SFXN2: variants seen among roughly 807,000 people sequenced by gnomAD.
The protein encoded by SFXN2 is sideroflexin 2, also known as sideroflexin-2.
SFXN2 carries 37 observed loss-of-function variants against 41.9 expected under a neutral mutation model. The ratio of observed to expected loss-of-function variants is 0.88; its 90% CI spans 0.68 to 1.16. The LOEUF (loss-of-function observed/expected upper bound fraction) is 1.16, where lower values mean the gene tolerates loss of function less well. SFXN2 is among the 50% of genes most tolerant of loss of function. SFXN2 has a pLI of 0.00. For synonymous variants in SFXN2, 150 were observed against 156.7 expected (o/e 0.96, Z 0.32); for missense variants, 386 against 425.2 (o/e 0.91, Z 0.81).
intron 1 of SFXN2, among the ~76,000 whole-genome samples, chr10:102,720,800 C>T (rs540545205): frequency 1.6e-4 from 24 of 152,234 alleles, no homozygotes; most frequent in Admixed American, 7.2e-4. Flanking sequence ...GCAAGACTCC[C>T]GGGATTCCCT....
chr10:102,722,042 T>G (rs1315438479), intron 1 of SFXN2, among the ~76,000 whole-genome samples: 1 of 152,206 alleles, frequency 6.6e-6, no homozygotes, highest in African/African-American at 2.4e-5. Context: ...CTGGTCTCCC[T>G]GCATCCCGTG....
intron 1 of SFXN2, among the ~76,000 whole-genome samples, chr10:102,724,304 C>T (rs991857137): frequency 3.3e-5 from 5 of 152,230 alleles, no homozygotes; most frequent in Admixed American, 6.5e-5. Context: ...TTCAGGCTCA[C>T]TGATTCTTTC....
At chr10:102,721,682 A>G (rs1165620177) in intron 1 of SFXN2, among the ~76,000 whole-genome samples, 1 of 150,364 alleles carries the variant, frequency 6.7e-6, no homozygotes. Context: ...TTAGAAATAT[A>G]TAAAATATGT....
chr10:102,735,029 G>A (rs1353217842), intron 10 of SFXN2, among the ~76,000 whole-genome samples: 1 of 151,890 alleles, frequency 6.6e-6, no homozygotes, highest in Admixed American at 6.6e-5. Flanking sequence ...AAAGAAGCAG[G>A]TCTCAGAATC....
chr10:102,737,094 C>T (rs1345198847), intron 11 of SFXN2, among the ~76,000 whole-genome samples: 2 of 151,992 alleles, frequency 1.3e-5, no homozygotes, highest in Admixed American at 6.5e-5. Flanking sequence ...GTGGAGGTTG[C>T]GGTGAGCCGA....
intron 1 of SFXN2, chr10:102,724,868 A>G (rs745907715): frequency 1.3e-5 from 2 of 150,656 alleles, no homozygotes; most frequent in Non-Finnish European, 2.9e-5. Context: ...CTAAAATCTC[A>G]TATCTAAATC....
At chr10:102,717,410 G>C (rs984689416) in intron 1 of SFXN2, among the ~76,000 whole-genome samples, 1 of 152,160 alleles carries the variant, frequency 6.6e-6, no homozygotes, top group Non-Finnish European at 1.5e-5. Flanking sequence ...TTACAGGCGT[G>C]AGCCACTGCG....
In SFXN2 at chr10:102,740,077, C is replaced by T. The variant is rs1017902741; in HGVS notation, c.*2315C>T. ...TGGCACCATACGTGGAGGAGCACTG[C>T]TCTAAGGGGAAAGGGCCTCCTCCCC... is the stretch of plus-strand genomic sequence containing the variant. On this transcript the variant is annotated 3_prime_UTR_variant, in exon 12 of 12. Coordinates refer to ENST00000369893, the MANE Select transcript of SFXN2 (RefSeq NM_178858.6). The T allele has an allele frequency of 6.6e-6, 1 of 152,122 alleles. No individual in the cohort carries two copies. Among genetic ancestry groups the T allele is most frequent in the Non-Finnish European group, 1.5e-5 (1 of 68,024 alleles). The allele number at this position is 152,122 out of a possible 1,614,324, so 9.4% of individuals were successfully genotyped here.
chr10:102,735,443 C>A (rs2064762816), intron 10 of SFXN2, among the ~76,000 whole-genome samples: 1 of 151,290 alleles, frequency 6.6e-6, no homozygotes, highest in Admixed American at 6.6e-5. Flanking sequence ...CCATGTCCCT[C>A]CTCTCCCTCC....
At chr10:102,732,803 G>T (rs761786215) in intron 8 of SFXN2, 56 bp from the exon 9 acceptor site, 17 of 1,583,098 alleles carry the variant, frequency 1.1e-5, no homozygotes, top group Non-Finnish European at 1.3e-5. Flanking sequence ...ACTTCAGAAG[G>T]AGTCCTGGGG....
Position 102,732,237 on chromosome 10 carries a change from T to A in SFXN2, c.721+19T>A. On this transcript the variant is annotated intron_variant, in intron 8 of 11. Coordinates refer to ENST00000369893, the MANE Select transcript of SFXN2 (RefSeq NM_178858.6). ...GGGATGAGTAAGATGGGGAAGCCCT[T>A]CCATCCTGGGGAAGCCTGTGACACA... The A allele has an allele frequency of 6.2e-7, 1 of 1,611,336 alleles. No homozygotes were observed. Among genetic ancestry groups the A allele is most frequent in the Admixed American group, 1.7e-5 (1 of 59,750 alleles).
At chr10:102,732,094 T>C in intron 7 of SFXN2, 58 bp from the exon 8 acceptor site, 2 of 1,506,408 alleles carry the variant, frequency 1.3e-6, no homozygotes, top group Non-Finnish European at 1.8e-6. Context: ...AGCCCCCTGG[T>C]GCAGCACATG....
In SFXN2 at chr10:102,743,051, G is replaced by A. The variant is rs1842811333; in HGVS notation, c.*5289G>A. On this transcript the variant is annotated 3_prime_UTR_variant, in exon 12 of 12. Transcript: ENST00000369893. ...ATGTAGTGGTGAGAGGTGAGATAAA[G>A]AGAAGTAGACAGGGACGAAGTCACA... 6.6e-6 allele frequency: 1 copy of A among 152,284 alleles called. No homozygotes were observed. Among genetic ancestry groups the A allele is most frequent in the South Asian group, 2.1e-4 (1 of 4,838 alleles). 9.4% of individuals were successfully genotyped at this position (152,284 alleles called of 1,614,324 possible).
intron 1 of SFXN2, chr10:102,715,075 C>G (rs1372341427): frequency 1.3e-5 from 2 of 152,664 alleles, no homozygotes; most frequent in Non-Finnish European, 2.9e-5. Context: ...CTCTGTCGCC[C>G]GGGCCGGAGT....
At chr10:102,723,801 T>C (rs544879144) in intron 1 of SFXN2, among the ~76,000 whole-genome samples, 26 of 152,318 alleles carry the variant, frequency 1.7e-4, no homozygotes, top group Non-Finnish European at 3.1e-4. Flanking sequence ...ATTAGTATAA[T>C]TGCATTAATA....
chr10:102,732,346 T>C, intron 8 of SFXN2, 128 bp downstream of exon 8: 1 of 743,834 alleles, frequency 1.3e-6, no homozygotes, highest in Non-Finnish European at 2.2e-6. Context: ...CTGCTTTGCT[T>C]GATTGCTGTA....
At chr10:102,733,663 T>C (rs1271523082) in intron 10 of SFXN2, 60 bp downstream of exon 10, 12 of 1,413,630 alleles carry the variant, frequency 8.5e-6, no homozygotes, top group Non-Finnish European at 1.2e-5. Context: ...AGATGTGTCG[T>C]CTTGTCTAGC....
In SFXN2 at chr10:102,741,787, C is replaced by T; in HGVS notation, c.*4025C>T. ...GAGGCCAGGAATTAGAGACCTTGTG[C>T]CATGAAAATAATTTGGTCCTTCCCT... On this transcript the variant is annotated 3_prime_UTR_variant, in exon 12 of 12. Transcript: ENST00000369893. 1 of 152,206 alleles carries T rather than the reference C, an allele frequency of 6.6e-6. No individual in the cohort carries two copies. Among genetic ancestry groups the T allele is most frequent in the Admixed American group, 6.5e-5 (1 of 15,268 alleles). 9.4% of individuals were successfully genotyped at this position (152,206 alleles called of 1,614,324 possible). A position where few individuals can be genotyped will look rare whatever the true frequency, so the allele number is the denominator to read the frequency against.
chr10:102,731,264 CAAA>C (rs368931070), intron 6 of SFXN2, among the ~76,000 whole-genome samples: 5 of 85,196 alleles, frequency 5.9e-5, no homozygotes, highest in African/African-American at 2.2e-4. Flanking sequence ...GCGATTGTCT[CAAA>C]AAAAAAAAAA....
Sources: gnomAD v4.1 joint callset for allele counts (sites outside exome capture counted in the v4.1 genomes callset) on GRCh38, gnomAD v4.1.1 for gene constraint, MANE v1.5 for transcripts, NCBI Gene and HGNC (gene_info 2026-07-23, HGNC 2026-07-21) for gene names.